The following KYAT3 variants were observed in gnomAD, a reference collection of about 807,000 sequenced individuals.
KYAT3 encodes kynurenine--oxoglutarate transaminase 3.
In KYAT3, 50 loss-of-function variants were observed where a neutral mutation model predicts 59.0. The observed-to-expected ratio is 0.85, with a 90% CI of 0.68 to 1.07. The LOEUF is 1.07. Among genes scored for constraint, KYAT3 ranks in the 50% least tolerant of loss-of-function variants. The pLI is 0.00. For synonymous variants in KYAT3, 148 were observed against 177.0 expected, an observed-to-expected ratio of 0.84 and a Z score of 1.30; for missense variants, 497 against 533.3, an observed-to-expected ratio of 0.93 and a Z score of 0.67.
chr1:88,958,773 GGAAAA>G (rs1676024097), intron 8 of KYAT3, among the ~76,000 whole-genome samples: 1 of 152,100 alleles, frequency 6.6e-6, no homozygotes. Flanking sequence ...ATTTCTTTTA[GGAAAA>G]TTGCTATTAC....
intron 2 of KYAT3, among the ~76,000 whole-genome samples, chr1:88,986,838 C>G (rs1246966628): frequency 6.6e-6 from 1 of 152,170 alleles, no homozygotes; most frequent in Non-Finnish European, 1.5e-5. Flanking sequence ...TTTTGTAACA[C>G]TGGCCAGTGT....
At chr1:88,933,005 G>A (rs374363845), downstream of KYAT3, among the ~76,000 whole-genome samples, 1 of 152,014 alleles carries the variant, frequency 6.6e-6, no homozygotes, top group Non-Finnish European at 1.5e-5. Context: ...GTATTGCACT[G>A]TCTATTCCTT....
intron 8 of KYAT3, among the ~76,000 whole-genome samples, chr1:88,955,430 C>A (rs1335912916): frequency 6.6e-6 from 1 of 151,680 alleles, no homozygotes; most frequent in African/African-American, 2.4e-5. Context: ...TAATGTTGCA[C>A]CAAGATAGTA....
chr1:88,968,639 C>T, intron 4 of KYAT3, 31 bp downstream of exon 4: 1 of 1,509,488 alleles, frequency 6.6e-7, no homozygotes. Context: ...AAAATAAAAG[C>T]TCATGGCCCA....
At chr1:88,955,963 T>C (rs533842873) in intron 8 of KYAT3, among the ~76,000 whole-genome samples, 5 of 152,250 alleles carry the variant, frequency 3.3e-5, no homozygotes, top group Non-Finnish European at 5.9e-5. Context: ...AGTATATCTA[T>C]AGATCTGTGC....
downstream of KYAT3, among the ~76,000 whole-genome samples, chr1:88,931,491 C>T (rs1053137096): frequency 2.0e-5 from 3 of 152,008 alleles, no homozygotes; most frequent in Non-Finnish European, 4.4e-5. Flanking sequence ...CCTACTATGC[C>T]CCAGTTCAGC....
At chr1:88,932,198 T>G (rs561257891), downstream of KYAT3, among the ~76,000 whole-genome samples, 18 of 152,342 alleles carry the variant, frequency 1.2e-4, no homozygotes, top group South Asian at 3.5e-3. Flanking sequence ...GAAGAAACCC[T>G]ATGACAACAG....
chr1:88,930,512 G>A, the KYAT3 span, among the ~76,000 whole-genome samples: 1 of 152,154 alleles, frequency 6.6e-6, no homozygotes, highest in East Asian at 1.9e-4. Flanking sequence ...GTATACTGAT[G>A]GAAGTCCCTT....
chr1:88,942,358 G>A (rs1675267621), intron 13 of KYAT3, among the ~76,000 whole-genome samples: 1 of 151,180 alleles, frequency 6.6e-6, no homozygotes, highest in Non-Finnish European at 1.5e-5. Flanking sequence ...TTGCTTTAAA[G>A]TCCTTGTCTG....
At chr1:88,929,064 T>C in the KYAT3 span, among the ~76,000 whole-genome samples, 13 of 152,122 alleles carry the variant, frequency 8.5e-5, no homozygotes, top group East Asian at 2.3e-3. Context: ...AAGGACAATA[T>C]GGACGAGCAA....
intron 6 of KYAT3, 25 bp downstream of exon 6, chr1:88,962,034 A>G (rs187447772): frequency 3.9e-6 from 6 of 1,558,074 alleles, no homozygotes; most frequent in South Asian, 1.1e-5. Context: ...AAACTTTGCC[A>G]TATGAACCAT....
intron 2 of KYAT3, among the ~76,000 whole-genome samples, chr1:88,970,109 A>G (rs527731883): frequency 9.2e-5 from 14 of 152,232 alleles, no homozygotes; most frequent in Non-Finnish European, 1.6e-4. Context: ...TTCAAAAAAT[A>G]TCTTAAGCCA....
chr1:88,992,492 GCCCGACCTCCGTTCCCTCGC>G (rs945208925), intron 1 of KYAT3, 73 bp downstream of exon 1: 5 of 152,808 alleles, frequency 3.3e-5, no homozygotes, highest in African/African-American at 1.2e-4. Flanking sequence ...GGCAAGAGGA[GCCCGACCTCCGTTCCCTCGC>G]CCCGTACGCC....
chr1:88,946,874 A>T (rs959827837), intron 11 of KYAT3, among the ~76,000 whole-genome samples: 1 of 152,210 alleles, frequency 6.6e-6, no homozygotes, highest in Non-Finnish European at 1.5e-5. Flanking sequence ...AAATAAGCTA[A>T]TGTGAAAGGA....
intron 1 of KYAT3, among the ~76,000 whole-genome samples, chr1:88,989,898 G>A (rs71666209): frequency 0.051 from 7,707 of 152,232 alleles, 317 homozygotes; most frequent in Admixed American, 0.15. Context: ...AAAGTCCCAC[G>A]GGATATTGGT....
At chr1:88,959,562 G>C (rs898532432) in intron 8 of KYAT3, among the ~76,000 whole-genome samples, 16 of 100,782 alleles carry the variant, frequency 1.6e-4, no homozygotes, top group African/African-American at 6.0e-4. Context: ...AACAGAGCAA[G>C]ACTCTGTCTC....
chr1:88,978,064 T>C lies in KYAT3; in HGVS notation c.100-8597A>G, dbSNP rs367600861. On this transcript the variant is annotated intron_variant, in intron 2 of 13. Coordinates refer to ENST00000260508, the MANE Select transcript of KYAT3 (RefSeq NM_001008661.3). Reference sequence around the variant, plus strand: ...TAACTCTATTGTATATAGATATGTATGTATATAATATATACACATATGTAT... The same window carrying C: ...TAACTCTATTGTATATAGATATGTACGTATATAATATATACACATATGTAT... Among the ~76,000 whole-genome samples, 5 of 152,164 alleles carry C rather than the reference T, an allele frequency of 3.3e-5. No homozygotes were observed. The East Asian group carries it at 9.7e-4, about 29-fold the overall frequency.
intron 5 of KYAT3, among the ~76,000 whole-genome samples, chr1:88,964,140 T>C (rs900774144): frequency 6.6e-6 from 1 of 152,042 alleles, no homozygotes; most frequent in Admixed American, 6.5e-5. Flanking sequence ...GAGGTGGAGG[T>C]TGCAGTGACC....
chr1:88,983,866 T>G (rs1570843204), intron 2 of KYAT3: 1 of 1,607,050 alleles, frequency 6.2e-7, no homozygotes, highest in Non-Finnish European at 8.5e-7. Context: ...GACAGTGGGT[T>G]CAAGCTCCAA....
Sources: gnomAD v4.1 joint callset for allele counts (sites outside exome capture counted in the v4.1 genomes callset) on GRCh38, gnomAD v4.1.1 for gene constraint, MANE v1.5 for transcripts, NCBI Gene and HGNC (gene_info 2026-07-23, HGNC 2026-07-21) for gene names.